Variants in CCNY observed in about 807,000 individuals in gnomAD.
The protein encoded by CCNY is cyclin Y, also known as cyclin-Y.
CCNY carries 19 observed loss-of-function variants against 42.8 expected under a neutral mutation model. The observed-to-expected ratio is 0.44, with a 90% CI of 0.31 to 0.65. The LOEUF (loss-of-function observed/expected upper bound fraction) is 0.65, where lower values mean the gene tolerates loss of function less well. CCNY is among the 30% of genes least tolerant of loss of function. The pLI is 0.07. For missense variants in CCNY, 370 were observed against 437.3 expected (o/e 0.85, Z 1.37); for synonymous variants, 165 against 162.7 (o/e 1.01, Z -0.11).
intron 3 of CCNY, among the ~76,000 whole-genome samples, chr10:35,326,913 C>T (rs1185194028): frequency 6.6e-6 from 1 of 151,984 alleles, no homozygotes; most frequent in Non-Finnish European, 1.5e-5. Context: ...AACAAACAAA[C>T]ACCATTGCTT....
At chr10:35,258,319 G>A (rs4244996) in intron 3 of CCNY, among the ~76,000 whole-genome samples, 34,209 of 152,092 alleles carry the variant, frequency 0.22, 3,961 homozygotes, top group African/African-American at 0.25. Context: ...GGCCTCTTCT[G>A]AGCCTGTGCC....
rs147994573 is a variant in CCNY at position 35,392,161 on chromosome 10, C to T, written c.154+54954C>T. On this transcript the variant is annotated intron_variant, in intron 1 of 9. Coordinates refer to ENST00000374704, the MANE Select transcript of CCNY (RefSeq NM_145012.6). The stretch of plus-strand genomic sequence containing the variant: ...CTCTTTTTATATTTTTTTCCTGCTG[C>T]GTATAGTGGGAATCATCCATTTCAT... Among the ~76,000 whole-genome samples, 71 of 152,058 alleles carry T rather than the reference C, an allele frequency of 4.7e-4. 1 individual carries two copies. The highest frequency in any genetic ancestry group is 1.5e-3 in the African/African-American group (64 of 41,492).
intron 1 of CCNY, among the ~76,000 whole-genome samples, chr10:35,387,383 A>G (rs1837321021): frequency 6.6e-6 from 1 of 152,180 alleles, no homozygotes; most frequent in Non-Finnish European, 1.5e-5. Flanking sequence ...TCTGGATAGA[A>G]ATGCAGAGGA....
intron 4 of CCNY, among the ~76,000 whole-genome samples, chr10:35,520,365 ACTC>A (rs769549292): frequency 2.0e-5 from 3 of 151,252 alleles, no homozygotes; most frequent in Non-Finnish European, 4.4e-5. Flanking sequence ...TCCAAAGAAA[ACTC>A]CTATTTTCTT....
chr10:35,304,307 T>TA lies in CCNY; in HGVS notation c.-9+53681_-9+53682insA, dbSNP rs1255739022. On this transcript the variant is annotated intron_variant, in intron 3 of 11. Coordinates refer to the CCNY transcript ENST00000374706. ...TTTTCTCCTTTTATTTTTTTTTTTT[T>TA]TTTATTTTTTATTTTTTTTTGAGAC... 1.8e-5 allele frequency among the ~76,000 whole-genome samples: 2 copies of TA among 108,440 alleles called. 1 individual carries two copies. The highest frequency in any genetic ancestry group is 9.3e-5 in the African/African-American group (2 of 21,504). The allele number at this position is 108,440 out of a possible 152,430, so 71.1% of individuals were successfully genotyped here. A position where few individuals can be genotyped will look rare whatever the true frequency, so the allele number is the denominator to read the frequency against.
At chr10:35,263,805 C>T (rs1003074909) in intron 3 of CCNY, among the ~76,000 whole-genome samples, 2 of 152,148 alleles carry the variant, frequency 1.3e-5, no homozygotes, top group African/African-American at 4.8e-5. Context: ...TTAAGGTCAG[C>T]GCCCATTAGC....
At chr10:35,468,325 G>C (rs1839312910) in intron 1 of CCNY, among the ~76,000 whole-genome samples, 1 of 152,174 alleles carries the variant, frequency 6.6e-6, no homozygotes, top group Non-Finnish European at 1.5e-5. Flanking sequence ...GTCACACTGG[G>C]AGCTAGGATT....
intron 1 of CCNY, among the ~76,000 whole-genome samples, chr10:35,364,525 A>G (rs1196909368): frequency 6.6e-6 from 1 of 152,232 alleles, no homozygotes; most frequent in Admixed American, 6.5e-5. Context: ...GGGGGCACAT[A>G]TGCCAGTAGG....
At chr10:35,528,660 G>T (rs1022993083) in intron 5 of CCNY, among the ~76,000 whole-genome samples, 1 of 152,198 alleles carries the variant, frequency 6.6e-6, no homozygotes, top group African/African-American at 2.4e-5. Context: ...GGGAGGTGGA[G>T]GTTGCAGTGA....
intron 1 of CCNY, among the ~76,000 whole-genome samples, chr10:35,445,426 G>A (rs549202277): frequency 7.2e-5 from 11 of 152,212 alleles, no homozygotes; most frequent in Non-Finnish European, 1.2e-4. Context: ...AAGGGTTAGG[G>A]GAAGAGACTG....
At position 35,534,415 on chromosome 10, in the gene CCNY, TTC is replaced by T; in HGVS notation, c.579+4174_579+4175del. 2.6e-5 allele frequency among the ~76,000 whole-genome samples: 4 copies of T among 152,282 alleles called. 1 individual carries two copies. The highest frequency in any genetic ancestry group is 2.6e-4 in the Admixed American group (4 of 15,294). On this transcript the variant is annotated intron_variant, in intron 7 of 9. Transcript: ENST00000374704. ...GATTGAGCATTCCGTGTGAGGTTAG[TTC>T]TGTCTGTAGAGCCACAGCAATGGGA...
In CCNY at chr10:35,478,395, A is replaced by C. The variant is rs1839571770; in HGVS notation, c.155-5009A>C. On this transcript the variant is annotated intron_variant, in intron 1 of 9. Transcript: ENST00000374704. The stretch of plus-strand genomic sequence containing the variant: ...ACTACCTGACTTCAAACTATACTAC[A>C]AGGCTACAGTAACCAAAACAGCATG... 4.0e-5 allele frequency among the ~76,000 whole-genome samples: 6 copies of C among 151,732 alleles called. No homozygotes were observed. In the South Asian group the frequency reaches 1.2e-3, roughly 32 times the overall value.
intron 1 of CCNY, among the ~76,000 whole-genome samples, chr10:35,435,861 A>G (rs1395083545): frequency 6.6e-6 from 1 of 152,202 alleles, no homozygotes; most frequent in Non-Finnish European, 1.5e-5. Flanking sequence ...GGCACAGATA[A>G]TGGCTAAGAT....
intron 3 of CCNY, among the ~76,000 whole-genome samples, chr10:35,301,646 T>C (rs1176022666): frequency 1.3e-5 from 2 of 152,158 alleles, no homozygotes; most frequent in East Asian, 3.8e-4. Context: ...TTGCTTTGTT[T>C]TGAGACAGGG....
chr10:35,511,319 A>G (rs1840320769), intron 3 of CCNY, among the ~76,000 whole-genome samples: 2 of 152,176 alleles, frequency 1.3e-5, no homozygotes, highest in South Asian at 4.1e-4. Flanking sequence ...CATATAGAAA[A>G]GTGAGCCAGA....
At chr10:35,560,510 C>T (rs1841445091) in intron 8 of CCNY, among the ~76,000 whole-genome samples, 1 of 152,170 alleles carries the variant, frequency 6.6e-6, no homozygotes, top group Admixed American at 6.5e-5. Flanking sequence ...CACCTGCAAG[C>T]TACGGAGAGC....
chr10:35,264,647 TTTTTG>T (rs1331398358), intron 3 of CCNY, among the ~76,000 whole-genome samples: 8 of 152,088 alleles, frequency 5.3e-5, no homozygotes, highest in Non-Finnish European at 7.4e-5. Flanking sequence ...TTTGCCCAGT[TTTTTG>T]TTTTGTTTTG....
intron 3 of CCNY, among the ~76,000 whole-genome samples, chr10:35,290,879 C>T (rs1438229884): frequency 6.6e-6 from 1 of 152,140 alleles, no homozygotes; most frequent in East Asian, 1.9e-4. Context: ...GAAAAGAAAA[C>T]TCCCTACTCA....
At chr10:35,371,793 G>C (rs1030005552) in intron 1 of CCNY, among the ~76,000 whole-genome samples, 1 of 152,174 alleles carries the variant, frequency 6.6e-6, no homozygotes, top group Admixed American at 6.5e-5. Flanking sequence ...GGCAGGAACC[G>C]GGAGAAGCAG....
Sources: allele counts gnomAD v4.1 joint callset (sites outside exome capture counted in the v4.1 genomes callset), GRCh38; gene constraint gnomAD v4.1.1; transcripts MANE v1.5; gene names NCBI Gene and HGNC (gene_info 2026-07-23, HGNC 2026-07-21).